Variants in DLG2 observed in about 807,000 individuals in gnomAD.
The protein encoded by DLG2 is discs large MAGUK scaffold protein 2.
DLG2 carries 45 observed loss-of-function variants against 132.5 expected under a neutral mutation model. That is an observed-to-expected ratio of 0.34 (90% CI 0.27 to 0.44). The LOEUF (loss-of-function observed/expected upper bound fraction) is 0.44. Among genes scored for constraint, DLG2 ranks in the 20% least tolerant of loss-of-function variants. The probability of loss-of-function intolerance (pLI) is 1.00; values close to 1 mark genes in which losing one functional copy is unlikely to be tolerated. For missense variants in DLG2, 1,045 were observed against 1,196.9 expected (o/e 0.87, Z 1.87); for synonymous variants, 424 against 419.6 (o/e 1.01, Z -0.13).
At chr11:85,020,915 G>T in intron 6 of DLG2, 1 of 770,034 alleles carries the variant, frequency 1.3e-6, no homozygotes. Flanking sequence ...CCTCAGCAGG[G>T]TCATCTGCAC....
At chr11:83,789,944 G>C (rs1041010583) in intron 17 of DLG2, 2 of 1,191,422 alleles carry the variant, frequency 1.7e-6, no homozygotes, top group Non-Finnish European at 1.1e-6. Context: ...TATTCCCAAA[G>C]TGCAAGATGC....
At chr11:83,776,832 G>A (rs111717390) in intron 18 of DLG2, among the ~76,000 whole-genome samples, 6 of 152,096 alleles carry the variant, frequency 3.9e-5, no homozygotes, top group Admixed American at 6.6e-5. Flanking sequence ...TATTATTCCC[G>A]TGGAATGCCT....
intron 6 of DLG2, among the ~76,000 whole-genome samples, chr11:85,028,855 G>A (rs1005917047): frequency 6.6e-6 from 1 of 152,106 alleles, no homozygotes; most frequent in Non-Finnish European, 1.5e-5. Context: ...CTCTGAAAAG[G>A]GCTGGGCTCC....
intron 7 of DLG2, among the ~76,000 whole-genome samples, chr11:84,319,131 TA>T (rs1443664463): frequency 6.6e-6 from 1 of 152,156 alleles, no homozygotes; most frequent in East Asian, 1.9e-4. Flanking sequence ...TTTGCCTTCT[TA>T]AAGAAGATCA....
intron 16 of DLG2, among the ~76,000 whole-genome samples, chr11:83,850,797 T>C (rs1332480492): frequency 1.3e-5 from 2 of 152,168 alleles, no homozygotes; most frequent in Non-Finnish European, 2.9e-5. Flanking sequence ...GGCTGAGCCT[T>C]GCACATACAA....
intron 4 of DLG2, among the ~76,000 whole-genome samples, chr11:85,158,163 T>A (rs2077729514): frequency 6.6e-6 from 1 of 152,050 alleles, no homozygotes; most frequent in Non-Finnish European, 1.5e-5. Flanking sequence ...ATTTTCTAAT[T>A]TATATAAACA....
intron 6 of DLG2, among the ~76,000 whole-genome samples, chr11:84,924,222 G>T (rs996587574): frequency 2.6e-5 from 4 of 152,150 alleles, no homozygotes; most frequent in Non-Finnish European, 5.9e-5. Flanking sequence ...AATTTAGGGT[G>T]CTATACCCTT....
intron 4 of DLG2, among the ~76,000 whole-genome samples, chr11:85,273,063 G>A (rs950710358): frequency 1.3e-5 from 2 of 152,168 alleles, no homozygotes; most frequent in African/African-American, 4.8e-5. Context: ...GTAGAAAGCT[G>A]AAACTGGATC....
intron 4 of DLG2, among the ~76,000 whole-genome samples, chr11:85,189,245 G>C (rs528027139): frequency 6.4e-4 from 98 of 152,088 alleles, no homozygotes; most frequent in African/African-American, 2.2e-3. Context: ...ACCTCCTCGG[G>C]AAAATTATTC....
At chr11:83,462,519 C>T (rs745952805) in intron 26 of DLG2, among the ~76,000 whole-genome samples, 1 of 152,146 alleles carries the variant, frequency 6.6e-6, no homozygotes, top group South Asian at 2.1e-4. Context: ...ACTTTCCTGA[C>T]CACCCTTTCT....
intron 6 of DLG2, chr11:84,955,524 T>C (rs1398811555): frequency 6.6e-6 from 1 of 152,148 alleles, no homozygotes; most frequent in African/African-American, 2.4e-5. Flanking sequence ...TCATGCAACA[T>C]GACAGTACTT....
At chr11:85,334,931 C>T (rs1960460) in intron 3 of DLG2, among the ~76,000 whole-genome samples, 21,109 of 152,000 alleles carry the variant, frequency 0.14, 2,039 homozygotes, top group Non-Finnish European at 0.22. Context: ...TGTAGATGTC[C>T]GTTAGGTCCT....
chr11:83,910,353 A>C (rs2075824973), intron 15 of DLG2, among the ~76,000 whole-genome samples: 1 of 152,296 alleles, frequency 6.6e-6, no homozygotes, highest in South Asian at 2.1e-4. Context: ...AAAATATTCG[A>C]TTAATGGTCA....
chr11:83,646,024 T>C (rs2068051974), intron 18 of DLG2, among the ~76,000 whole-genome samples: 1 of 152,110 alleles, frequency 6.6e-6, no homozygotes, highest in Non-Finnish European at 1.5e-5. Flanking sequence ...TAACTCAATT[T>C]AAGAAATTAT....
At chr11:85,377,398 A>T (rs1198277523) in intron 3 of DLG2, among the ~76,000 whole-genome samples, 1 of 152,082 alleles carries the variant, frequency 6.6e-6, no homozygotes, top group Non-Finnish European at 1.5e-5. Context: ...GGAGGCAGCA[A>T]TTATTGTGCT....
At chr11:84,129,328 A>G (rs1486851316) in intron 9 of DLG2, among the ~76,000 whole-genome samples, 1 of 152,034 alleles carries the variant, frequency 6.6e-6, no homozygotes, top group Non-Finnish European at 1.5e-5. Flanking sequence ...TTGGGTATTC[A>G]GGAAGGCATC....
chr11:84,481,741 G>T (rs571997302), intron 7 of DLG2, among the ~76,000 whole-genome samples: 1 of 152,162 alleles, frequency 6.6e-6, no homozygotes, highest in Non-Finnish European at 1.5e-5. Context: ...AGCATTTTCT[G>T]CATTCTATCA....
At chr11:84,009,351 GA>G (rs2094754010) in intron 11 of DLG2, among the ~76,000 whole-genome samples, 1 of 151,898 alleles carries the variant, frequency 6.6e-6, no homozygotes, top group African/African-American at 2.4e-5. Context: ...AATGATTCTA[GA>G]GGTGAAAATG....
At chr11:83,970,409 G>A (rs1230124081) in intron 12 of DLG2, among the ~76,000 whole-genome samples, 2 of 152,118 alleles carry the variant, frequency 1.3e-5, no homozygotes, top group African/African-American at 4.8e-5. Flanking sequence ...AGAGGATACT[G>A]GGGAGAATAA....
Sources: allele counts gnomAD v4.1 joint callset (sites outside exome capture counted in the v4.1 genomes callset), GRCh38; gene constraint gnomAD v4.1.1; transcripts MANE v1.5; gene names NCBI Gene and HGNC (gene_info 2026-07-23, HGNC 2026-07-21).